The following ACYP2 variants were observed in gnomAD, a reference collection of about 807,000 sequenced individuals.
The protein encoded by ACYP2 is acylphosphatase 2.
ACYP2 carries 12 observed loss-of-function variants against 11.2 expected under a neutral mutation model. That is an observed-to-expected ratio of 1.08 (90% CI 0.69 to 1.74). The LOEUF (loss-of-function observed/expected upper bound fraction) is 1.74. Ranked by LOEUF, ACYP2 falls within the 40% of genes most tolerant of loss-of-function variation. ACYP2 has a pLI of 0.00. For missense variants in ACYP2, 134 were observed against 101.9 expected, an observed-to-expected ratio of 1.31 and a Z score of -1.35; for synonymous variants, 43 against 32.2, an observed-to-expected ratio of 1.33 and a Z score of -1.13.
chr2:54,228,522 C>T (rs1558628105), intron 6 of ACYP2, among the ~76,000 whole-genome samples: 1 of 152,062 alleles, frequency 6.6e-6, no homozygotes, highest in Non-Finnish European at 1.5e-5. Flanking sequence ...CTTCAGAAAC[C>T]ATACTCTTAA....
At chr2:54,102,276 T>C (rs1356146146) in intron 4 of ACYP2, among the ~76,000 whole-genome samples, 1 of 152,172 alleles carries the variant, frequency 6.6e-6, no homozygotes, top group East Asian at 1.9e-4. Context: ...ACAAGTAAGA[T>C]ATAATTGTTT....
intron 6 of ACYP2, among the ~76,000 whole-genome samples, chr2:54,230,938 C>G (rs1686210605): frequency 6.7e-6 from 1 of 148,892 alleles, no homozygotes; most frequent in Admixed American, 6.8e-5. Flanking sequence ...TCAAGCGATT[C>G]TCTTGCCTCA....
chr2:54,013,001 T>TA (rs1673464633), intron 2 of ACYP2, among the ~76,000 whole-genome samples: 1 of 152,160 alleles, frequency 6.6e-6, no homozygotes, highest in African/African-American at 2.4e-5. Context: ...AAGATGCTCT[T>TA]ACCTCAAGAC....
chr2:54,092,397 T>C (rs1489086123), intron 4 of ACYP2, among the ~76,000 whole-genome samples: 1 of 152,210 alleles, frequency 6.6e-6, no homozygotes, highest in Non-Finnish European at 1.5e-5. Context: ...GCAGCTCTTC[T>C]TTCTCTCCTG....
At chr2:54,214,604 T>C (rs1295176544) in intron 6 of ACYP2, among the ~76,000 whole-genome samples, 1 of 152,240 alleles carries the variant, frequency 6.6e-6, no homozygotes, top group Non-Finnish European at 1.5e-5. Context: ...TCTATGTGTC[T>C]GTTTTTGTAC....
chr2:54,216,688 C>A (rs1685573511), intron 6 of ACYP2, among the ~76,000 whole-genome samples: 1 of 152,136 alleles, frequency 6.6e-6, no homozygotes, highest in Admixed American at 6.5e-5. Flanking sequence ...CAGACACACA[C>A]CACCACACCT....
At chr2:54,272,005 G>A (rs145008535) in intron 6 of ACYP2, among the ~76,000 whole-genome samples, 206 of 152,244 alleles carry the variant, frequency 1.4e-3, no homozygotes, top group Non-Finnish European at 2.4e-3. Context: ...GTGCTAGGCT[G>A]GAAAGGCAAG....
chr2:54,175,194 G>C (rs1683405317), intron 6 of ACYP2, among the ~76,000 whole-genome samples: 1 of 152,096 alleles, frequency 6.6e-6, no homozygotes, highest in South Asian at 2.1e-4. Context: ...ATGAATTATT[G>C]CTTCAATTTC....
chr2:54,212,352 C>G (rs958261757), intron 6 of ACYP2, among the ~76,000 whole-genome samples: 4 of 152,144 alleles, frequency 2.6e-5, no homozygotes, highest in Non-Finnish European at 5.9e-5. Flanking sequence ...TATCAAATTG[C>G]ACATAGAATT....
At chr2:53,975,557 G>T (rs559164641) in intron 2 of ACYP2, among the ~76,000 whole-genome samples, 3 of 152,272 alleles carry the variant, frequency 2.0e-5, no homozygotes, top group South Asian at 2.1e-4. Flanking sequence ...TTGAGGCTGG[G>T]CTGGGTGGCT....
At chr2:54,280,857 T>C (rs1428337095) in intron 6 of ACYP2, among the ~76,000 whole-genome samples, 2 of 152,172 alleles carry the variant, frequency 1.3e-5, no homozygotes, top group African/African-American at 4.8e-5. Flanking sequence ...AGATGGTAAC[T>C]GGAAGATAGG....
intron 6 of ACYP2, among the ~76,000 whole-genome samples, chr2:54,294,511 C>A (rs1689440487): frequency 6.6e-6 from 1 of 152,120 alleles, no homozygotes; most frequent in African/African-American, 2.4e-5. Flanking sequence ...CATGAGTGCA[C>A]ACATATGCCC....
intron 4 of ACYP2, among the ~76,000 whole-genome samples, chr2:54,107,682 C>T (rs1679239124): frequency 6.6e-6 from 1 of 152,184 alleles, no homozygotes; most frequent in African/African-American, 2.4e-5. Context: ...ATCTGAGCTT[C>T]GTATCACAAG....
chr2:54,009,173 C>T (rs1039104637), intron 2 of ACYP2, among the ~76,000 whole-genome samples: 1 of 151,350 alleles, frequency 6.6e-6, no homozygotes, highest in Non-Finnish European at 1.5e-5. Flanking sequence ...AAAATTCAGA[C>T]AGCAAAAGAT....
intron 4 of ACYP2, among the ~76,000 whole-genome samples, chr2:54,060,120 A>G (rs967651308): frequency 3.3e-5 from 5 of 152,064 alleles, no homozygotes; most frequent in Non-Finnish European, 5.9e-5. Flanking sequence ...CAACTCTGGG[A>G]TATTTTCTTC....
intron 4 of ACYP2, among the ~76,000 whole-genome samples, chr2:54,062,550 A>G (rs1423172539): frequency 2.0e-5 from 3 of 152,242 alleles, no homozygotes; most frequent in African/African-American, 7.2e-5. Flanking sequence ...GTCATGTACC[A>G]TATGTTATTC....
chr2:54,096,208 G>A (rs1678563106), intron 4 of ACYP2, among the ~76,000 whole-genome samples: 2 of 146,794 alleles, frequency 1.4e-5, no homozygotes. Flanking sequence ...GGGCGGCCGG[G>A]CAGAGACGCT....
At chr2:54,154,676 C>T (rs979586166) in intron 6 of ACYP2, among the ~76,000 whole-genome samples, 10 of 152,132 alleles carry the variant, frequency 6.6e-5, no homozygotes, top group South Asian at 2.1e-4. Context: ...TTGGCTTATT[C>T]GTATTTTGTT....
At chr2:54,158,507 G>C (rs1408848537) in intron 6 of ACYP2, among the ~76,000 whole-genome samples, 1 of 151,948 alleles carries the variant, frequency 6.6e-6, no homozygotes, top group Non-Finnish European at 1.5e-5. Flanking sequence ...CACCCAGCAC[G>C]GTCTGCTTTT....
Sources: allele counts gnomAD v4.1 joint callset (sites outside exome capture counted in the v4.1 genomes callset), GRCh38; gene constraint gnomAD v4.1.1; transcripts MANE v1.5; gene names NCBI Gene and HGNC (gene_info 2026-07-23, HGNC 2026-07-21).